The following SPMIP4 variants were observed in gnomAD, a reference collection of about 807,000 sequenced individuals.
The protein encoded by SPMIP4 is sperm-associated microtubule inner protein 4.
At chr7:25,132,730 A>G in the SPMIP4 span, among the ~76,000 whole-genome samples, 1 of 152,206 alleles carries the variant, frequency 6.6e-6, no homozygotes, top group Non-Finnish European at 1.5e-5. This position sits in a 1 kb window ranked among gnomAD's most constrained non-coding sequence, Gnocchi z 5.0. Flanking sequence ...TATATAAAGG[A>G]TAAACAATAC....
At chr7:25,156,065 C>T in the SPMIP4 span, among the ~76,000 whole-genome samples, 2 of 152,098 alleles carry the variant, frequency 1.3e-5, no homozygotes, top group Non-Finnish European at 2.9e-5. Flanking sequence ...TAGTTAAGAC[C>T]GAGTTATTCC....
chr7:25,179,415 C>G, the SPMIP4 span: 1 of 1,268,148 alleles, frequency 7.9e-7, no homozygotes, highest in Non-Finnish European at 1.1e-6. Context: ...ATTGTTCAAC[C>G]TGACGCTGCA....
the SPMIP4 span, among the ~76,000 whole-genome samples, chr7:25,127,732 G>A: frequency 1.3e-5 from 2 of 152,204 alleles, no homozygotes; most frequent in Admixed American, 6.5e-5. Context: ...TTACCAGGGT[G>A]GTCTTGATGC....
chr7:25,127,121 T>A, the SPMIP4 span, among the ~76,000 whole-genome samples: 14 of 152,360 alleles, frequency 9.2e-5, no homozygotes, highest in South Asian at 2.9e-3. Flanking sequence ...TCTTTCTTTA[T>A]CCTGGATCTT....
At chr7:25,154,878 G>A in the SPMIP4 span, 2 of 821,336 alleles carry the variant, frequency 2.4e-6, no homozygotes. Flanking sequence ...AGTCGCAGCT[G>A]TGAACAAGTT....
At chr7:25,131,932 T>G in the SPMIP4 span, among the ~76,000 whole-genome samples, 1 of 152,178 alleles carries the variant, frequency 6.6e-6, no homozygotes, top group Non-Finnish European at 1.5e-5. This position sits in a 1 kb window ranked among gnomAD's most constrained non-coding sequence, Gnocchi z 4.2. Flanking sequence ...GGGATGGAAG[T>G]CAGCGGCGGG....
the SPMIP4 span, among the ~76,000 whole-genome samples, chr7:25,162,283 A>G: frequency 1.3e-5 from 2 of 151,126 alleles, no homozygotes; most frequent in East Asian, 3.9e-4. Flanking sequence ...AAAAAAAAAA[A>G]AAATTAATTA....
At chr7:25,142,338 T>G in the SPMIP4 span, 1 of 1,569,300 alleles carries the variant, frequency 6.4e-7, no homozygotes, top group Non-Finnish European at 8.7e-7. Flanking sequence ...CAGACCTTAA[T>G]GGAAACATCA....
chr7:25,141,574 G>GAA, the SPMIP4 span, among the ~76,000 whole-genome samples: 43 of 94,926 alleles, frequency 4.5e-4, no homozygotes, highest in African/African-American at 1.4e-3. Flanking sequence ...CTGTCTCAAG[G>GAA]AAAAAAAAAA....
chr7:25,154,498 T>C, the SPMIP4 span, among the ~76,000 whole-genome samples: 1 of 152,160 alleles, frequency 6.6e-6, no homozygotes, highest in Non-Finnish European at 1.5e-5. Flanking sequence ...GACTCCAAGG[T>C]TTGCAGCTGG....
At chr7:25,142,393 C>T in the SPMIP4 span, 2 of 1,221,264 alleles carry the variant, frequency 1.6e-6, no homozygotes, top group African/African-American at 1.5e-5. Flanking sequence ...AGTTATATTA[C>T]CCTTTATAGG....
chr7:25,175,471 CTGA>C, the SPMIP4 span, among the ~76,000 whole-genome samples: 1 of 151,994 alleles, frequency 6.6e-6, no homozygotes, highest in African/African-American at 2.4e-5. Context: ...AAAAAGTAGG[CTGA>C]TGTGAGGAAA....
the SPMIP4 span, among the ~76,000 whole-genome samples, chr7:25,165,378 A>G: frequency 2.6e-5 from 4 of 152,222 alleles, no homozygotes; most frequent in African/African-American, 9.6e-5. Context: ...AATTGGATAT[A>G]GCAAAGTTGG....
chr7:25,169,497 C>T, the SPMIP4 span, among the ~76,000 whole-genome samples: 1 of 152,168 alleles, frequency 6.6e-6, no homozygotes, highest in South Asian at 2.1e-4. Flanking sequence ...TTGTGATGGG[C>T]TTCTTTGACT....
chr7:25,151,308 A>C, the SPMIP4 span, among the ~76,000 whole-genome samples: 2 of 150,146 alleles, frequency 1.3e-5, no homozygotes, highest in Admixed American at 1.3e-4. Context: ...TGCAAACTTC[A>C]CCTCCCAGGT....
chr7:25,151,463 T>C, the SPMIP4 span: 1 of 575,810 alleles, frequency 1.7e-6, no homozygotes, highest in South Asian at 2.1e-5. Flanking sequence ...CCTCAAGCAA[T>C]CTGCCCACCT....
chr7:25,153,740 A>G, the SPMIP4 span, among the ~76,000 whole-genome samples: 11 of 152,204 alleles, frequency 7.2e-5, no homozygotes, highest in African/African-American at 2.7e-4. Context: ...TATCATACTT[A>G]TCATTTCCTT....
At chr7:25,142,268 T>C in the SPMIP4 span, 1 of 1,613,250 alleles carries the variant, frequency 6.2e-7, no homozygotes, top group Admixed American at 1.7e-5. Flanking sequence ...CTATCTTTCG[T>C]GTTAACTCTG....
chr7:25,145,322 C>T, the SPMIP4 span, among the ~76,000 whole-genome samples: 1 of 152,124 alleles, frequency 6.6e-6, no homozygotes, highest in Non-Finnish European at 1.5e-5. Flanking sequence ...GTATCTTACA[C>T]TGGTTGAACT....
Sources: gnomAD v4.1 joint callset for allele counts (sites outside exome capture counted in the v4.1 genomes callset) on GRCh38, gnomAD v4.1.1 for gene constraint, Gnocchi (gnomAD v3.1) non-coding constraint, MANE v1.5 for transcripts, NCBI Gene and HGNC (gene_info 2026-07-23, HGNC 2026-07-21) for gene names.